The following CNTNAP2 variants were observed in gnomAD, a reference collection of about 807,000 sequenced individuals.
The protein encoded by CNTNAP2 is contactin associated protein 2, also known as contactin-associated protein-like 2.
A neutral mutation model predicts 155.2 loss-of-function variants in CNTNAP2; 98 were observed. The ratio of observed to expected loss-of-function variants is 0.63; its 90% CI spans 0.54 to 0.75. The LOEUF is 0.75. CNTNAP2 is among the 30% of genes least tolerant of loss of function. CNTNAP2 has a pLI of 0.00. For missense variants in CNTNAP2, 1,727 were observed against 1,688.1 expected (o/e 1.02, Z -0.40); for synonymous variants, 651 against 631.2 (o/e 1.03, Z -0.47).
chr7:146,447,743 A>T (rs10262400), intron 1 of CNTNAP2, among the ~76,000 whole-genome samples: 5,190 of 152,006 alleles, frequency 0.034, 277 homozygotes, highest in African/African-American at 0.12. Flanking sequence ...TCAAAGGCCA[A>T]GCAGAAATCT....
rs529640455 is a variant in CNTNAP2, at chr7:146,951,917, A to T, written c.403-91990A>T. The stretch of plus-strand genomic sequence containing the variant: ...CATTTTCGCGATATTGATTCTTCCT[A>T]TCCATGAGCATGGAATGTTTTTACA... On this transcript the variant is annotated intron_variant, in intron 3 of 23. Transcript: ENST00000361727. 1.8e-4 allele frequency among the ~76,000 whole-genome samples: 27 copies of T among 152,180 alleles called. No homozygotes were observed. The South Asian group carries it at 5.6e-3, about 32-fold the overall frequency.
chr7:147,612,625 T>C (rs1265220704), intron 12 of CNTNAP2, among the ~76,000 whole-genome samples: 1 of 152,056 alleles, frequency 6.6e-6, no homozygotes, highest in Non-Finnish European at 1.5e-5. Context: ...GGTCTCAAAT[T>C]CCTGAGCTCA....
At chr7:146,785,278 T>A (rs372711806) in intron 2 of CNTNAP2, among the ~76,000 whole-genome samples, 1 of 152,170 alleles carries the variant, frequency 6.6e-6, no homozygotes, top group African/African-American at 2.4e-5. Context: ...GCAGCCTATA[T>A]GCTAACTTTA....
At position 146,271,230 on chromosome 7, in the gene CNTNAP2, C is replaced by T. The variant is rs565792316; in HGVS notation, c.97+154257C>T. 4.6e-4 allele frequency among the ~76,000 whole-genome samples: 70 copies of T among 152,002 alleles called. 1 individual carries two copies. The highest frequency in any genetic ancestry group is 1.6e-3 in the African/African-American group (66 of 41,494). On this transcript the variant is annotated intron_variant, in intron 1 of 23. Coordinates refer to ENST00000361727, the MANE Select transcript of CNTNAP2 (RefSeq NM_014141.6). ...CCAAATTTATCATCAAACCTTAACCCCTGAAACCAAGAAATTTATGTATAC... is the reference window on the plus strand; with the variant it reads ...CCAAATTTATCATCAAACCTTAACCTCTGAAACCAAGAAATTTATGTATAC...
chr7:146,200,541 C>CACAT (rs140777495), intron 1 of CNTNAP2, among the ~76,000 whole-genome samples: 3,130 of 150,794 alleles, frequency 0.021, 93 homozygotes, highest in African/African-American at 0.068. Flanking sequence ...CACACACACA[C>CACAT]ATATATATAC....
intron 20 of CNTNAP2, among the ~76,000 whole-genome samples, chr7:148,262,878 T>C (rs571710924): frequency 3.9e-5 from 6 of 152,184 alleles, no homozygotes; most frequent in Admixed American, 2.6e-4. Flanking sequence ...CCGATGCTGC[T>C]GTTCTGAATT....
chr7:147,130,969 G>C (rs576417861), intron 7 of CNTNAP2, among the ~76,000 whole-genome samples: 1 of 151,548 alleles, frequency 6.6e-6, no homozygotes, highest in African/African-American at 2.4e-5. Context: ...AATTCAGAGA[G>C]ACTGCCTGCC....
chr7:148,233,530 C>A (rs1388661747), intron 20 of CNTNAP2, among the ~76,000 whole-genome samples: 1 of 152,124 alleles, frequency 6.6e-6, no homozygotes, highest in Non-Finnish European at 1.5e-5. Flanking sequence ...AGAATTGAAC[C>A]TTTTGTTATT....
At chr7:148,322,362 C>T (rs932149509) in intron 21 of CNTNAP2, among the ~76,000 whole-genome samples, 34 of 152,124 alleles carry the variant, frequency 2.2e-4, no homozygotes, top group African/African-American at 8.0e-4. Flanking sequence ...GAGGGAAACT[C>T]GAGAAACAAG....
chr7:147,321,820 A>T (rs777820353), intron 9 of CNTNAP2, among the ~76,000 whole-genome samples: 7 of 152,208 alleles, frequency 4.6e-5, no homozygotes, highest in Admixed American at 1.3e-4. Flanking sequence ...TGTCCACCAC[A>T]GGCAATTCCA....
chr7:147,583,415 C>T (rs1181745700), intron 12 of CNTNAP2, among the ~76,000 whole-genome samples: 1 of 151,002 alleles, frequency 6.6e-6, no homozygotes, highest in Non-Finnish European at 1.5e-5. Context: ...ACCACTTCTG[C>T]TCCTACAACT....
At chr7:146,695,148 T>A (rs1400766750) in intron 1 of CNTNAP2, among the ~76,000 whole-genome samples, 1 of 152,148 alleles carries the variant, frequency 6.6e-6, no homozygotes, top group Non-Finnish European at 1.5e-5. Flanking sequence ...CCAGACACCC[T>A]TGTCTTGTTC....
chr7:147,609,485 C>T (rs1383401536), intron 12 of CNTNAP2, among the ~76,000 whole-genome samples: 2 of 152,090 alleles, frequency 1.3e-5, no homozygotes, highest in African/African-American at 4.8e-5. Context: ...GAGCCAAGAT[C>T]ACACCACTGC....
At chr7:147,874,615 A>G (rs1233795446) in intron 13 of CNTNAP2, among the ~76,000 whole-genome samples, 1 of 152,200 alleles carries the variant, frequency 6.6e-6, no homozygotes, top group Non-Finnish European at 1.5e-5. Flanking sequence ...AAGGGCTGCC[A>G]TGAAGGTTTC....
At chr7:148,270,633 C>T (rs997816476) in intron 21 of CNTNAP2, among the ~76,000 whole-genome samples, 7 of 152,168 alleles carry the variant, frequency 4.6e-5, no homozygotes, top group South Asian at 2.1e-4. Flanking sequence ...TCATTGTAGA[C>T]GTATACTGCA....
chr7:146,646,491 C>T (rs1393737655), intron 1 of CNTNAP2, among the ~76,000 whole-genome samples: 3 of 152,144 alleles, frequency 2.0e-5, no homozygotes, highest in Non-Finnish European at 2.9e-5. Flanking sequence ...CTGTAAATTA[C>T]ATAACATAAA....
intron 2 of CNTNAP2, among the ~76,000 whole-genome samples, chr7:146,780,191 C>CT (rs1265095725): frequency 1.6e-5 from 2 of 122,102 alleles, no homozygotes; most frequent in Admixed American, 7.9e-5. Context: ...TGTTTCCTGA[C>CT]TGTTTTTTTT....
intron 1 of CNTNAP2, among the ~76,000 whole-genome samples, chr7:146,755,730 T>A (rs1801984362): frequency 6.6e-6 from 1 of 151,924 alleles, no homozygotes; most frequent in African/African-American, 2.4e-5. Flanking sequence ...ATCAAGAAAA[T>A]GTAACAGTGT....
At chr7:147,127,076 A>G (rs1215051494) in intron 6 of CNTNAP2, among the ~76,000 whole-genome samples, 2 of 152,192 alleles carry the variant, frequency 1.3e-5, no homozygotes, top group African/African-American at 2.4e-5. Context: ...TCAGTTGGGG[A>G]AAAATTGTTC....
Sources: gnomAD v4.1 joint callset for allele counts (sites outside exome capture counted in the v4.1 genomes callset) on GRCh38, gnomAD v4.1.1 for gene constraint, MANE v1.5 for transcripts, NCBI Gene and HGNC (gene_info 2026-07-23, HGNC 2026-07-21) for gene names.